The following MAST2 variants were observed in gnomAD, a reference collection of about 807,000 sequenced individuals.
MAST2 encodes microtubule associated serine/threonine kinase 2.
Under a neutral mutation model 147.4 loss-of-function variants are expected in MAST2, and 70 were observed. That is an observed-to-expected ratio of 0.47 (90% confidence interval 0.39 to 0.58). The LOEUF (loss-of-function observed/expected upper bound fraction) is 0.58, where lower values mean the gene tolerates loss of function less well. Among genes scored for constraint, MAST2 ranks in the 20% least tolerant of loss-of-function variants. MAST2 has a pLI of 0.00. For missense variants in MAST2, 2,080 were observed against 2,302.3 expected, an observed-to-expected ratio of 0.90 and a Z score of 1.98; for synonymous variants, 869 against 896.8, an observed-to-expected ratio of 0.97 and a Z score of 0.55.
chr1:46,026,847 T>C (rs977902762), intron 16 of MAST2, among the ~76,000 whole-genome samples: 9 of 152,202 alleles, frequency 5.9e-5, no homozygotes, highest in African/African-American at 2.2e-4. Flanking sequence ...GCCACTCTTC[T>C]GCTTATTAAG....
At chr1:45,914,005 CTGGCT>C (rs1436650010) in intron 4 of MAST2, 1 of 543,582 alleles carries the variant, frequency 1.8e-6, no homozygotes, top group Non-Finnish European at 2.4e-6. Flanking sequence ...GAGGGCTGAG[CTGGCT>C]TGATTAATTC....
At position 45,837,253 on chromosome 1, in the gene MAST2, C is replaced by T. The variant is rs1232645263; in HGVS notation, c.468+7672C>T. 2.0e-5 allele frequency among the ~76,000 whole-genome samples: 3 copies of T among 152,352 alleles called. No individual in the cohort carries two copies. The South Asian group carries it at 6.2e-4, about 32-fold the overall frequency. On this transcript the variant is annotated intron_variant, in intron 3 of 28. Coordinates refer to ENST00000361297, the MANE Select transcript of MAST2 (RefSeq NM_015112.3). ...GAATATATCTGCCACCCCAAGTTCG[C>T]TTGTGTCCCTTTGCTGTCTGTTCTC...
At chr1:45,980,525 T>G (rs1032674967) in intron 5 of MAST2, among the ~76,000 whole-genome samples, 2 of 152,296 alleles carry the variant, frequency 1.3e-5, no homozygotes, top group Admixed American at 6.5e-5. Context: ...TTCTTCAGAA[T>G]GTTTTGTTGT....
At position 45,865,270 on chromosome 1, in the gene MAST2, CTT is replaced by C. The variant is rs748085490; in HGVS notation, c.469-17092_469-17091del. 148 of 334,406 alleles carry C rather than the reference CTT, an allele frequency of 4.4e-4. 1 individual carries two copies. Among genetic ancestry groups the C allele is most frequent in the Non-Finnish European group, 1.2e-4 (20 of 170,406 alleles). 20.7% of individuals were successfully genotyped at this position (334,406 alleles called of 1,614,324 possible). A position where few individuals can be genotyped will look rare whatever the true frequency, so the allele number is the denominator to read the frequency against. On this transcript the variant is annotated intron_variant, in intron 3 of 28. Coordinates refer to ENST00000361297, the MANE Select transcript of MAST2 (RefSeq NM_015112.3). Reference sequence around the variant, plus strand: ...CAGAGTGGAGTGCAGCTAAGTTCCTCTTTATTCTTTGATGTATAGTTATAATT... The same window carrying C: ...CAGAGTGGAGTGCAGCTAAGTTCCTCTATTCTTTGATGTATAGTTATAATT...
At chr1:45,886,313 TACACACACAC>T (rs56032969) in intron 4 of MAST2, among the ~76,000 whole-genome samples, 3,714 of 145,572 alleles carry the variant, frequency 0.026, 147 homozygotes, top group African/African-American at 0.082. Flanking sequence ...TATCTATAAG[TACACACACAC>T]ACACACACAC....
At chr1:45,880,142 C>T (rs747011148) in intron 3 of MAST2, among the ~76,000 whole-genome samples, 1 of 151,998 alleles carries the variant, frequency 6.6e-6, no homozygotes, top group Non-Finnish European at 1.5e-5. Context: ...TGAAATATAG[C>T]TTGTCAAAAA....
chr1:45,928,309 A>C (rs1654730780), intron 4 of MAST2, among the ~76,000 whole-genome samples: 1 of 152,234 alleles, frequency 6.6e-6, no homozygotes, highest in South Asian at 2.1e-4. Context: ...TATTATTACC[A>C]CACCTAAAAC....
intron 5 of MAST2, among the ~76,000 whole-genome samples, chr1:45,984,452 A>G (rs766994305): frequency 1.3e-5 from 2 of 151,762 alleles, no homozygotes; most frequent in African/African-American, 2.4e-5. Flanking sequence ...ACAGATGCAC[A>G]CCACCACACC....
rs775729145 is a variant in MAST2 at position 46,023,895 on chromosome 1, T to C, written c.1695T>C (p.Thr565=). The C allele has an allele frequency of 1.2e-6, 2 of 1,614,184 alleles. No homozygotes were observed. The highest frequency in any genetic ancestry group is 4.5e-5 in the East Asian group (2 of 44,870). Residue 565 remains threonine (T), a synonymous_variant, in exon 15 of 29, where the codon ACT becomes ACC. Coordinates refer to ENST00000361297, the MANE Select transcript of MAST2 (RefSeq NM_015112.3). This position sits in a 1 kb window ranked among gnomAD's most constrained non-coding sequence, Gnocchi z 4.9. ...CCTTCGTGGAGCGTGACATACTGACTTTCGCTGAGAACCCCTTTGTGGTCA... is the reference window on the plus strand; with the variant it reads ...CCTTCGTGGAGCGTGACATACTGACCTTCGCTGAGAACCCCTTTGTGGTCA... ...QQAFVERDIL[T]FAENPFVVSM...
At chr1:46,005,078 A>G (rs1196509809) in intron 7 of MAST2, among the ~76,000 whole-genome samples, 2 of 152,142 alleles carry the variant, frequency 1.3e-5, no homozygotes, top group Admixed American at 1.3e-4. Context: ...AAAAAAACAA[A>G]CAGGCTGGGC....
intron 3 of MAST2, among the ~76,000 whole-genome samples, chr1:45,856,912 A>G (rs995089210): frequency 2.0e-5 from 3 of 152,216 alleles, no homozygotes; most frequent in African/African-American, 7.2e-5. Flanking sequence ...TTTAAATAAT[A>G]CTTTAGCAAG....
chr1:45,972,436 C>G (rs1371304581), intron 5 of MAST2, among the ~76,000 whole-genome samples: 4 of 152,198 alleles, frequency 2.6e-5, no homozygotes, highest in African/African-American at 9.6e-5. Flanking sequence ...GGCCAAGTGA[C>G]AGCTTGCCAC....
intron 2 of MAST2, among the ~76,000 whole-genome samples, chr1:45,827,457 A>T (rs1259382357): frequency 6.6e-6 from 1 of 152,118 alleles, no homozygotes; most frequent in Non-Finnish European, 1.5e-5. Flanking sequence ...CTTTCCCAAC[A>T]GGCCTTTATT....
intron 1 of MAST2, among the ~76,000 whole-genome samples, chr1:45,809,046 C>T (rs1360382443): frequency 6.6e-6 from 1 of 152,020 alleles, no homozygotes; most frequent in Non-Finnish European, 1.5e-5. Flanking sequence ...TTCTGTATAC[C>T]TAGGGCTTAG....
intron 3 of MAST2, among the ~76,000 whole-genome samples, chr1:45,864,025 A>G (rs1646064622): frequency 6.6e-6 from 1 of 152,212 alleles, no homozygotes; most frequent in Non-Finnish European, 1.5e-5. Flanking sequence ...TTGCTTATGG[A>G]GTGTGTAAGG....
intron 4 of MAST2, among the ~76,000 whole-genome samples, chr1:45,944,603 A>G (rs901932022): frequency 1.2e-4 from 19 of 152,306 alleles, no homozygotes; most frequent in Middle Eastern, 3.4e-3. Context: ...GTTTTTCAGT[A>G]TATTACATTA....
At chr1:45,959,579 C>A in intron 5 of MAST2, 102 bp downstream of exon 5, 2 of 956,524 alleles carry the variant, frequency 2.1e-6, no homozygotes, top group African/African-American at 1.6e-5. Flanking sequence ...ATTACATTGT[C>A]ACTTTACTTG....
At chr1:45,816,777 A>G (rs982524030) in intron 1 of MAST2, among the ~76,000 whole-genome samples, 23 of 152,280 alleles carry the variant, frequency 1.5e-4, no homozygotes, top group African/African-American at 5.3e-4. Context: ...TCCCAGGTTC[A>G]AGCGATTCTC....
At chr1:45,827,655 C>T (rs1303838937) in intron 2 of MAST2, among the ~76,000 whole-genome samples, 4 of 121,576 alleles carry the variant, frequency 3.3e-5, no homozygotes, top group East Asian at 3.1e-4. Context: ...TCATCATCAT[C>T]ATTATTTTTT....
Sources: gnomAD v4.1 joint callset for allele counts (sites outside exome capture counted in the v4.1 genomes callset) on GRCh38, gnomAD v4.1.1 for gene constraint, Gnocchi (gnomAD v3.1) non-coding constraint, MANE v1.5 for transcripts, NCBI Gene and HGNC (gene_info 2026-07-23, HGNC 2026-07-21) for gene names.